The following NSUN7 variants were observed in gnomAD, a reference collection of about 807,000 sequenced individuals.
NSUN7 encodes NOP2/Sun RNA methyltransferase family member 7.
In NSUN7, 39 loss-of-function variants were observed where a neutral mutation model predicts 58.5. That is an observed-to-expected ratio of 0.67 (90% CI 0.52 to 0.87). The LOEUF (loss-of-function observed/expected upper bound fraction) is 0.87. NSUN7 is among the 40% of genes least tolerant of loss of function. NSUN7 has a pLI of 0.00. For missense variants in NSUN7, 765 were observed against 844.1 expected (o/e 0.91, Z 1.16); for synonymous variants, 278 against 303.7 (o/e 0.92, Z 0.88).
At chr4:40,760,996 GT>G (rs142152476) in intron 3 of NSUN7, among the ~76,000 whole-genome samples, 174 bp from the exon 4 acceptor site, 13 of 147,756 alleles carry the variant, frequency 8.8e-5, no homozygotes, top group East Asian at 3.9e-4. Flanking sequence ...TTTTGAAAGG[GT>G]TTTTTTTTTC....
rs532557788 is a variant in NSUN7, at chr4:40,809,699, C to T, written c.*760C>T. 7.3e-5 allele frequency: 11 copies of T among 150,878 alleles called. No individual in the cohort carries two copies. In the South Asian group the frequency reaches 8.4e-4, roughly 12 times the overall value. The allele number at this position is 150,878 out of a possible 1,614,324, so 9.3% of individuals were successfully genotyped here. A position where few individuals can be genotyped will look rare whatever the true frequency, so the allele number is the denominator to read the frequency against. The stretch of plus-strand genomic sequence containing the variant: ...AAGAGGCAAAACTGTTGAATGCAAG[C>T]GATACCTATTGTTGAAGAAACCCAC... On this transcript the variant is annotated 3_prime_UTR_variant, in exon 12 of 12. Coordinates refer to ENST00000381782, the MANE Select transcript of NSUN7 (RefSeq NM_024677.6).
At chr4:40,756,743 T>C (rs553011636) in intron 2 of NSUN7, among the ~76,000 whole-genome samples, 1 of 152,312 alleles carries the variant, frequency 6.6e-6, no homozygotes, top group Non-Finnish European at 1.5e-5. Flanking sequence ...AATTAATATA[T>C]GAAATGCACT....
intron 2 of NSUN7, among the ~76,000 whole-genome samples, chr4:40,757,977 A>G (rs1273533119): frequency 6.6e-6 from 1 of 151,884 alleles, no homozygotes; most frequent in Non-Finnish European, 1.5e-5. Context: ...CCAGAGTGCA[A>G]TGTCACGATC....
At chr4:40,794,943 T>C (rs907236956) in intron 9 of NSUN7, among the ~76,000 whole-genome samples, 1 of 152,178 alleles carries the variant, frequency 6.6e-6, no homozygotes, top group Admixed American at 6.5e-5. Context: ...GAAGTTTGAG[T>C]AACAAGGCGG....
chr4:40,760,750 A>C (rs563603592), intron 3 of NSUN7, among the ~76,000 whole-genome samples: 11 of 151,908 alleles, frequency 7.2e-5, no homozygotes, highest in Admixed American at 1.3e-4. Flanking sequence ...AATCCCAGCT[A>C]CTTGGGAGGC....
intron 7 of NSUN7, among the ~76,000 whole-genome samples, chr4:40,777,380 G>A (rs772663326): frequency 8.6e-5 from 13 of 151,482 alleles, no homozygotes; most frequent in Admixed American, 3.3e-4. Flanking sequence ...TTGCCCAGGC[G>A]GGAGTGCAGT....
At chr4:40,782,561 A>AG (rs1491289861) in intron 7 of NSUN7, among the ~76,000 whole-genome samples, 1 of 151,504 alleles carries the variant, frequency 6.6e-6, no homozygotes, top group East Asian at 1.9e-4. Flanking sequence ...AAAAAAAAAA[A>AG]AGAAAAAAAG....
intron 10 of NSUN7, among the ~76,000 whole-genome samples, chr4:40,801,474 A>G (rs375050724): frequency 2.0e-5 from 3 of 152,108 alleles, no homozygotes; most frequent in African/African-American, 4.8e-5. Flanking sequence ...ACTGTTTTCA[A>G]CTGGATTATT....
chr4:40,757,617 G>GTA lies in NSUN7; in HGVS notation c.299-2806_299-2805dup, dbSNP rs569038204. On this transcript the variant is annotated intron_variant, in intron 2 of 11. Transcript: ENST00000381782. ...TTGTGTGTATATATATACATTGTGTGTATATATATATACATTGTGTGTATA... is the reference window on the plus strand; with the variant it reads ...TTGTGTGTATATATATACATTGTGTGTATATATATATATACATTGTGTGTATA... Among the ~76,000 whole-genome samples, 1,149 of 141,462 alleles carry GTA rather than the reference G, an allele frequency of 8.1e-3. 7 individuals carry two copies. The highest frequency in any genetic ancestry group is 0.01 in the Non-Finnish European group (686 of 65,828). The allele number at this position is 141,462 out of a possible 152,430, so 92.8% of individuals were successfully genotyped here. A position where few individuals can be genotyped will look rare whatever the true frequency, so the allele number is the denominator to read the frequency against.
At position 40,761,265 on chromosome 4, in the gene NSUN7, T is replaced by C. The variant is rs139200641; in HGVS notation, c.452T>C (p.Ile151Thr). 2.6e-4 allele frequency: 409 copies of C among 1,597,868 alleles called. No homozygotes were observed. The African/African-American group carries it at 5.1e-3, about 20-fold the overall frequency. ...GTCCTTTCTGATAATGAAGAGCCCA[T>C]ATCAGAAGTTCAAGAAGTAGAGAAC... is the stretch of plus-strand genomic sequence containing the variant. ...TRVLSDNEEP[I>T]SEVQEVENLL... The change falls in exon 4 of 12, where the codon ATA becomes ACA. Residue 151 changes from isoleucine (I) to threonine (T), a missense_variant. By Grantham distance (89) the Ile-to-Thr change is moderately conservative (BLOSUM62 -1). Transcript: ENST00000381782.
intron 2 of NSUN7, among the ~76,000 whole-genome samples, chr4:40,751,760 A>G (rs1339736383): frequency 6.6e-6 from 1 of 152,108 alleles, no homozygotes; most frequent in African/African-American, 2.4e-5. Flanking sequence ...TTTCGAAGCC[A>G]AGGTGGGAGG....
chr4:40,808,172 G>A, intron 11 of NSUN7, 135 bp from the exon 12 acceptor site: 1 of 986,084 alleles, frequency 1.0e-6, no homozygotes, highest in Non-Finnish European at 1.5e-6. Context: ...GGGGACTAAG[G>A]CCTAAAAACT....
At chr4:40,783,465 A>T (rs1479134163) in intron 7 of NSUN7, among the ~76,000 whole-genome samples, 6 of 144,084 alleles carry the variant, frequency 4.2e-5, no homozygotes, top group African/African-American at 1.3e-4. Flanking sequence ...TTTAGATATA[A>T]CATCAAAAGC....
chr4:40,790,082 T>TTC (rs1553919190), intron 7 of NSUN7, among the ~76,000 whole-genome samples: 14 of 137,242 alleles, frequency 1.0e-4, no homozygotes, highest in African/African-American at 3.8e-4. Context: ...TTTTTTTTTT[T>TTC]CTGGAGAGAA....
At position 40,810,899 on chromosome 4, in the gene NSUN7, A is replaced by T. The variant is rs1042461564; in HGVS notation, c.*1960A>T. The T allele has an allele frequency of 1.3e-5, 2 of 152,220 alleles. No homozygotes were observed. The highest frequency in any genetic ancestry group is 4.8e-5 in the African/African-American group (2 of 41,452). 9.4% of individuals were successfully genotyped at this position (152,220 alleles called of 1,614,324 possible). On this transcript the variant is annotated 3_prime_UTR_variant, in exon 12 of 12. Transcript: ENST00000381782. ...TCAGTAAAGAATCCCATTGTGTATC[A>T]TAAGAATCCCTTATCCTTTTCGGGC... is the stretch of plus-strand genomic sequence containing the variant.
intron 11 of NSUN7, 130 bp downstream of exon 11, chr4:40,807,314 A>AAGGGC: frequency 1.2e-6 from 1 of 808,350 alleles, no homozygotes; most frequent in Non-Finnish European, 1.9e-6. Flanking sequence ...ATTTCAGCTG[A>AAGGGC]AGGGCAGGAA....
In NSUN7 at chr4:40,757,902, T is replaced by TTTG. The variant is rs1553917141; in HGVS notation, c.299-2530_299-2529insGTT. Among the ~76,000 whole-genome samples the TTTG allele has an allele frequency of 4.6e-3, 683 of 148,610 alleles. 9 individuals are homozygous for TTTG. The highest frequency in any genetic ancestry group is 0.015 in the African/African-American group (613 of 40,234). On this transcript the variant is annotated intron_variant, in intron 2 of 11. Transcript: ENST00000381782. ...TTCATCCTGCCTCTCCTATTCCTGT[T>TTTG]TTTGTTTGTTTGTTTGTTTGTTTGT...
intron 4 of NSUN7, among the ~76,000 whole-genome samples, chr4:40,769,416 C>CTGA (rs1264308285): frequency 6.6e-6 from 1 of 152,186 alleles, no homozygotes; most frequent in African/African-American, 2.4e-5. Context: ...GCACAGAAAC[C>CTGA]TGATCCCTGA....
At chr4:40,759,281 G>A (rs7681052) in intron 2 of NSUN7, among the ~76,000 whole-genome samples, 2,505 of 152,132 alleles carry the variant, frequency 0.016, 69 homozygotes, top group African/African-American at 0.058. Context: ...ACTGCACTCC[G>A]GCCGGTGTGA....
Sources: gnomAD v4.1 joint callset for allele counts (sites outside exome capture counted in the v4.1 genomes callset) on GRCh38, gnomAD v4.1.1 for gene constraint, MANE v1.5 for transcripts, NCBI Gene and HGNC (gene_info 2026-07-23, HGNC 2026-07-21) for gene names.